RGS3: variants seen among roughly 807,000 people sequenced by gnomAD.
The protein encoded by RGS3 is regulator of G protein signaling 3.
RGS3 carries 80 observed loss-of-function variants against 132.6 expected under a neutral mutation model. The ratio of observed to expected loss-of-function variants is 0.60; its 90% CI spans 0.50 to 0.73. The LOEUF (loss-of-function observed/expected upper bound fraction) is 0.73. Among genes scored for constraint, RGS3 ranks in the 30% least tolerant of loss-of-function variants. The pLI, the probability that RGS3 is intolerant of heterozygous loss-of-function variation, is 0.00. For synonymous variants in RGS3, 598 were observed against 620.6 expected (o/e 0.96, Z 0.54); for missense variants, 1,382 against 1,530.8 (o/e 0.90, Z 1.62).
At chr9:113,543,707 G>A (rs1832993642) in intron 19 of RGS3, among the ~76,000 whole-genome samples, 1 of 152,236 alleles carries the variant, frequency 6.6e-6, no homozygotes, top group African/African-American at 2.4e-5. Context: ...CCAGACAGGT[G>A]CAGAGGACAG....
intron 4 of RGS3, among the ~76,000 whole-genome samples, chr9:113,481,710 C>G (rs959597393): frequency 1.3e-5 from 2 of 152,208 alleles, no homozygotes; most frequent in African/African-American, 2.4e-5. Flanking sequence ...GCACCTCAGA[C>G]TACTGGGAGC....
In RGS3 at chr9:113,580,857, C is replaced by T; in HGVS notation, c.2038-2593C>T. On this transcript the variant is annotated intron_variant, in intron 19 of 24. Transcript: ENST00000350696. ...GGCGGGCTCTGACTGACAGTCACCA[C>T]TGGGACAGGCCTGGGCCCCACCCTC... 3 of 985,786 alleles carry T rather than the reference C, an allele frequency of 3.0e-6. No individual in the cohort carries two copies. The South Asian group carries it at 1.4e-4, about 46-fold the overall frequency. 61.1% of individuals were successfully genotyped at this position (985,786 alleles called of 1,614,324 possible). A position where few individuals can be genotyped will look rare whatever the true frequency, so the allele number is the denominator to read the frequency against.
chr9:113,517,423 C>T, intron 15 of RGS3, 118 bp from the exon 14 acceptor site: 1 of 805,950 alleles, frequency 1.2e-6, no homozygotes, highest in Non-Finnish European at 2.2e-6. Context: ...GGCGGGCTGA[C>T]AGTCTTCTCT....
At chr9:113,564,997 G>T (rs1833930190) in intron 19 of RGS3, 1 of 1,026,108 alleles carries the variant, frequency 9.7e-7, no homozygotes, top group African/African-American at 1.7e-5. Flanking sequence ...AGGCGGCTTT[G>T]CGCTGCCCCA....
Position 113,594,550 on chromosome 9 carries a change from C to T in RGS3, c.3182+19C>T, listed in dbSNP as rs1428137611. On this transcript the variant is annotated intron_variant, in intron 22 of 24. Coordinates refer to ENST00000350696, the Ensembl canonical transcript of RGS3. ...CATTCAAGTAGGTCCTCCCTGGCAC[C>T]CTGGGACCCTTTGGGGAACTCACTG... 1.2e-6 allele frequency: 2 copies of T among 1,603,138 alleles called. No homozygotes were observed. The highest frequency in any genetic ancestry group is 2.2e-5 in the East Asian group (1 of 44,848).
chr9:113,457,697 T>C (rs1374056554), upstream of RGS3, among the ~76,000 whole-genome samples: 1 of 152,238 alleles, frequency 6.6e-6, no homozygotes, highest in East Asian at 1.9e-4. Context: ...GCAACCTGAT[T>C]CAGTTAACAA....
chr9:113,481,771 G>A lies in RGS3; in HGVS notation c.467-1288G>A, dbSNP rs548207599. On this transcript the variant is annotated intron_variant, in intron 4 of 24. Coordinates refer to ENST00000350696, the Ensembl canonical transcript of RGS3. ...CAATGAAAACCAGACGTAAGGCTGGGTGCATTGGCTCACGCCTGTAATCCC... is the reference window on the plus strand; with the variant it reads ...CAATGAAAACCAGACGTAAGGCTGGATGCATTGGCTCACGCCTGTAATCCC... 9.3e-4 allele frequency among the ~76,000 whole-genome samples: 141 copies of A among 152,318 alleles called. 2 individuals are homozygous for A. The highest frequency in any genetic ancestry group is 3.2e-3 in the African/African-American group (133 of 41,574).
chr9:113,561,720 G>C (rs1013615990), intron 19 of RGS3, among the ~76,000 whole-genome samples: 5 of 151,994 alleles, frequency 3.3e-5, no homozygotes, highest in African/African-American at 1.2e-4. Context: ...GGTCTTGGGA[G>C]CATAAACCCA....
chr9:113,514,696 G>A (rs764539611), intron 15 of RGS3, 42 bp downstream of exon 13: 7 of 1,586,586 alleles, frequency 4.4e-6, no homozygotes, highest in African/African-American at 1.3e-5. Context: ...CAGGAGGAAC[G>A]GAGAAAGAGG....
chr9:113,513,591 A>G (rs1831504215), intron 14 of RGS3, among the ~76,000 whole-genome samples: 1 of 152,178 alleles, frequency 6.6e-6, no homozygotes, highest in Admixed American at 6.5e-5. Flanking sequence ...GTGAACTTAG[A>G]GTATTTCATT....
intron 19 of RGS3, among the ~76,000 whole-genome samples, chr9:113,553,158 T>G (rs1266221296): frequency 6.6e-6 from 1 of 151,914 alleles, no homozygotes; most frequent in Non-Finnish European, 1.5e-5. Flanking sequence ...TATAAAGATA[T>G]AGGCCAGGAA....
At chr9:113,466,994 T>G (rs1183340439) in intron 3 of RGS3, among the ~76,000 whole-genome samples, 3 of 152,220 alleles carry the variant, frequency 2.0e-5, no homozygotes, top group African/African-American at 4.8e-5. Context: ...ATGACTGACT[T>G]CTTTCACTTA....
intron 19 of RGS3, among the ~76,000 whole-genome samples, chr9:113,574,201 G>A (rs949870747): frequency 2.0e-5 from 3 of 152,092 alleles, no homozygotes; most frequent in Admixed American, 1.3e-4. Context: ...CCTCTGCAGC[G>A]CTAAGTAAAC....
chr9:113,545,454 A>G (rs187142593), intron 19 of RGS3, among the ~76,000 whole-genome samples: 101 of 152,230 alleles, frequency 6.6e-4, no homozygotes, highest in Admixed American at 1.8e-3. Context: ...TCTCCCTAAA[A>G]ACTGTTTCCA....
At chr9:113,567,169 C>T (rs1171090902) in intron 19 of RGS3, among the ~76,000 whole-genome samples, 1 of 152,248 alleles carries the variant, frequency 6.6e-6, no homozygotes, top group Non-Finnish European at 1.5e-5. Flanking sequence ...AATCATTGCA[C>T]TTCCAGGCTT....
chr9:113,523,932 C>T (rs988468225), intron 17 of RGS3, among the ~76,000 whole-genome samples: 16 of 152,202 alleles, frequency 1.1e-4, no homozygotes, highest in African/African-American at 3.4e-4. Flanking sequence ...AGTATGAGAA[C>T]CGCCACTCTC....
intron 15 of RGS3, chr9:113,517,226 G>C (rs757121029): frequency 1.1e-5 from 6 of 522,162 alleles, no homozygotes; most frequent in African/African-American, 5.7e-5. Context: ...CCAGTGCAGT[G>C]GGGGGTGAGA....
chr9:113,466,666 C>A (rs911383193), intron 3 of RGS3, among the ~76,000 whole-genome samples: 17 of 152,034 alleles, frequency 1.1e-4, no homozygotes, highest in African/African-American at 4.1e-4. Context: ...TAATATTTTT[C>A]TCCAGGATTG....
chr9:113,553,534 T>A (rs1003570901), intron 19 of RGS3, among the ~76,000 whole-genome samples: 9 of 137,806 alleles, frequency 6.5e-5, no homozygotes, highest in African/African-American at 2.4e-4. Context: ...GAAATATATA[T>A]TATATAATTA....
Sources: gnomAD v4.1 joint callset for allele counts (sites outside exome capture counted in the v4.1 genomes callset) on GRCh38, gnomAD v4.1.1 for gene constraint, MANE v1.5 for transcripts, NCBI Gene and HGNC (gene_info 2026-07-23, HGNC 2026-07-21) for gene names.